PCDHGA6: variants seen among roughly 807,000 people sequenced by gnomAD.
PCDHGA6 encodes the protein protocadherin gamma-A6.
PCDHGA6 carries 41 observed loss-of-function variants against 60.6 expected under a neutral mutation model. The ratio of observed to expected loss-of-function variants is 0.68; its 90% CI spans 0.53 to 0.88. The LOEUF is 0.88. PCDHGA6 is among the 40% of genes least tolerant of loss of function. The probability of loss-of-function intolerance (pLI) is 0.00; values close to 1 mark genes in which losing one functional copy is unlikely to be tolerated. For missense variants in PCDHGA6, 1,312 were observed against 1,203.0 expected (o/e 1.09, Z -1.34); for synonymous variants, 594 against 524.4 (o/e 1.13, Z -1.81).
chr5:141,410,349 G>A, intron 1 of PCDHGA6: 1 of 1,613,994 alleles, frequency 6.2e-7, no homozygotes, highest in Non-Finnish European at 8.5e-7. Flanking sequence ...TTGCGCCTGC[G>A]ACGCTCTCTC....
In PCDHGA6 at chr5:141,487,494, C is replaced by T. The variant is rs116370895; in HGVS notation, c.2425-7313C>T. 12 of 1,614,120 alleles carry T rather than the reference C, an allele frequency of 7.4e-6. No individual in the cohort carries two copies. The East Asian group carries it at 1.1e-4, about 15-fold the overall frequency. On this transcript the variant is annotated intron_variant, in intron 1 of 3. Transcript: ENST00000517434. The surrounding 1 kb of genome is among the most constrained non-coding windows in gnomAD (Gnocchi z 5.0). Reference sequence around the variant, plus strand: ...GGAGGCCACTCTCATGGCTGTACACCCTTGGCTTCTGCACCCACTCGGAGT... The same window carrying T: ...GGAGGCCACTCTCATGGCTGTACACTCTTGGCTTCTGCACCCACTCGGAGT...
At chr5:141,478,808 T>C in intron 1 of PCDHGA6, 1 of 1,459,124 alleles carries the variant, frequency 6.9e-7, no homozygotes, top group African/African-American at 1.4e-5. Flanking sequence ...TCTTTTGCTA[T>C]CACAACTAAC....
rs200016406 is a variant in PCDHGA6 at position 141,383,092 on chromosome 5, C to T, written c.2424+6585C>T. The T allele has an allele frequency of 3.1e-4, 507 of 1,613,932 alleles. 2 individuals are homozygous for T. Among genetic ancestry groups the T allele is most frequent in the Middle Eastern group, 1.7e-3 (10 of 6,060 alleles). The stretch of plus-strand genomic sequence containing the variant: ...CCGGGAGCTGGCGGAGCGCGGAGTC[C>T]GCATCATCTCCAGAGGTAGGACGCA... On this transcript the variant is annotated intron_variant, in intron 1 of 3. Coordinates refer to ENST00000517434, the MANE Select transcript of PCDHGA6 (RefSeq NM_018919.3).
At chr5:141,403,574 C>T (rs1441332710) in intron 1 of PCDHGA6, 1 of 1,613,960 alleles carries the variant, frequency 6.2e-7, no homozygotes, top group Non-Finnish European at 8.5e-7. Context: ...GGCAACTGCC[C>T]ACCACCTGGT....
chr5:141,430,707 C>T, intron 1 of PCDHGA6: 2 of 1,478,562 alleles, frequency 1.4e-6, no homozygotes, highest in Non-Finnish European at 9.0e-7. Flanking sequence ...GGAACTGCTC[C>T]TGACTTCAGT....
At position 141,487,249 on chromosome 5, in the gene PCDHGA6, C is replaced by T. The variant is rs757148469; in HGVS notation, c.2425-7558C>T. ...AAGGAGAATCTCGTCTAACCCTCTACTTGGCTGTGTCCCTAGTGGCAATTT... is the reference window on the plus strand; with the variant it reads ...AAGGAGAATCTCGTCTAACCCTCTATTTGGCTGTGTCCCTAGTGGCAATTT... On this transcript the variant is annotated intron_variant, in intron 1 of 3. Coordinates refer to ENST00000517434, the MANE Select transcript of PCDHGA6 (RefSeq NM_018919.3). The surrounding 1 kb of genome is among the most constrained non-coding windows in gnomAD (Gnocchi z 5.0). 2.5e-6 allele frequency: 4 copies of T among 1,614,164 alleles called. No homozygotes were observed. In the South Asian group the frequency reaches 4.4e-5, roughly 18 times the overall value.
At chr5:141,467,643 C>G (rs2099147861) in intron 1 of PCDHGA6, among the ~76,000 whole-genome samples, 1 of 152,112 alleles carries the variant, frequency 6.6e-6, no homozygotes, top group Non-Finnish European at 1.5e-5. Flanking sequence ...TTATCATGTA[C>G]CAAACTTCTA....
chr5:141,399,750 C>A, intron 1 of PCDHGA6: 1 of 1,613,330 alleles, frequency 6.2e-7, no homozygotes, highest in Non-Finnish European at 8.5e-7. Flanking sequence ...TCAGCGCAAA[C>A]GTGAGCCTGC....
In PCDHGA6 at chr5:141,491,341, G is replaced by C. The variant is rs775712620; in HGVS notation, c.2425-3466G>C. ...TTACCTCATTGTGGCTCTAGCGACC[G>C]TCAGTCTCTTATCCCTAGTCACCTT... On this transcript the variant is annotated intron_variant, in intron 1 of 3. Transcript: ENST00000517434. This position sits in a 1 kb window ranked among gnomAD's most constrained non-coding sequence, Gnocchi z 6.9. 10 of 1,614,100 alleles carry C rather than the reference G, an allele frequency of 6.2e-6. No homozygotes were observed. In the East Asian group the frequency reaches 8.9e-5, roughly 14 times the overall value.
At chr5:141,470,795 C>T (rs947636574) in intron 1 of PCDHGA6, among the ~76,000 whole-genome samples, 2 of 152,182 alleles carry the variant, frequency 1.3e-5, no homozygotes, top group Non-Finnish European at 2.9e-5. Context: ...TCAAGCAATC[C>T]TCCCACTTCA....
At chr5:141,379,868 T>C (rs1775901267) in intron 1 of PCDHGA6, among the ~76,000 whole-genome samples, 1 of 149,208 alleles carries the variant, frequency 6.7e-6, no homozygotes, top group African/African-American at 2.5e-5. Flanking sequence ...CTTATTCTTA[T>C]TTTATGGTCT....
At chr5:141,423,994 A>G (rs2096794168) in intron 1 of PCDHGA6, 17 of 1,081,216 alleles carry the variant, frequency 1.6e-5, no homozygotes, top group Non-Finnish European at 1.8e-5. Flanking sequence ...TCAATTTATT[A>G]TATATAGATA....
chr5:141,421,468 C>A (rs759548375), intron 1 of PCDHGA6: 9 of 1,614,096 alleles, frequency 5.6e-6, no homozygotes, highest in Non-Finnish European at 5.9e-6. Flanking sequence ...TGTGAATCCG[C>A]GAAGCGGCAG....
rs756134036 is a variant in PCDHGA6 at position 141,374,596 on chromosome 5, G to GC, written c.514dup (p.Leu172ProfsTer4). On this transcript the variant is annotated frameshift_variant, in exon 1 of 4. Transcript: ENST00000517434. LOFTEE classifies it high-confidence loss of function. ...GAATGAACTCCCTTCAGGGATTTAA[G>GC]CTCAGTGGTAATAGTCACTTCTCAG... The GC allele has an allele frequency of 1.9e-6, 3 of 1,613,578 alleles. No homozygotes were observed. The African/African-American group carries it at 4.0e-5, about 22-fold the overall frequency.
chr5:141,433,850 A>C (rs899643386), intron 1 of PCDHGA6, among the ~76,000 whole-genome samples: 2 of 151,896 alleles, frequency 1.3e-5, no homozygotes, highest in East Asian at 3.9e-4. Flanking sequence ...AAAAAAAAAA[A>C]AAAAACTTTA....
intron 1 of PCDHGA6, chr5:141,428,255 G>A (rs2097128504): frequency 1.1e-6 from 1 of 875,462 alleles, no homozygotes; most frequent in Non-Finnish European, 1.8e-6. Context: ...CCAGACTTCA[G>A]TGACAGTCCT....
intron 1 of PCDHGA6, chr5:141,422,778 C>T (rs1041081332): frequency 1.9e-6 from 3 of 1,613,932 alleles, no homozygotes; most frequent in Admixed American, 1.7e-5. Flanking sequence ...TTCTCTATGC[C>T]CTACAATCCT....
intron 1 of PCDHGA6, chr5:141,385,316 G>A: frequency 1.2e-6 from 2 of 1,610,350 alleles, no homozygotes; most frequent in Non-Finnish European, 1.7e-6. Flanking sequence ...AACCTGCCAA[G>A]TATTCAGGTG....
At position 141,432,298 on chromosome 5, in the gene PCDHGA6, A is replaced by G; in HGVS notation, c.2424+55791A>G. 6.2e-7 allele frequency: 1 copy of G among 1,614,236 alleles called. No homozygotes were observed. The highest frequency in any genetic ancestry group is 8.5e-7 in the Non-Finnish European group (1 of 1,180,036). The stretch of plus-strand genomic sequence containing the variant: ...TGTCCATCAACTCCGACACTGGGGT[A>G]CTGTATGCGCTGAGCTCCTTCGACT... On this transcript the variant is annotated intron_variant, in intron 1 of 3. Transcript: ENST00000517434. This position sits in a 1 kb window ranked among gnomAD's most constrained non-coding sequence, Gnocchi z 6.0.
Sources: allele counts gnomAD v4.1 joint callset (sites outside exome capture counted in the v4.1 genomes callset), GRCh38; gene constraint gnomAD v4.1.1; non-coding constraint Gnocchi (gnomAD v3.1); transcripts MANE v1.5; gene names NCBI Gene and HGNC (gene_info 2026-07-23, HGNC 2026-07-21).